PTPRA: variants seen among roughly 807,000 people sequenced by gnomAD.
The protein encoded by PTPRA is protein tyrosine phosphatase receptor type A.
In PTPRA, 25 loss-of-function variants were observed where a neutral mutation model predicts 104.8. The observed-to-expected ratio is 0.24, with a 90% CI of 0.17 to 0.33. PTPRA has a LOEUF of 0.33. Ranked by LOEUF, PTPRA falls within the 10% of genes least tolerant of loss-of-function variation. The pLI is 1.00. For synonymous variants in PTPRA, 323 were observed against 368.9 expected, an observed-to-expected ratio of 0.88 and a Z score of 1.43; for missense variants, 765 against 1,015.3, an observed-to-expected ratio of 0.75 and a Z score of 3.35.
At chr20:2,940,326 T>C (rs965389621) in intron 2 of PTPRA, among the ~76,000 whole-genome samples, 2 of 151,904 alleles carry the variant, frequency 1.3e-5, no homozygotes, top group Admixed American at 6.6e-5. Context: ...TCTTTTCTTT[T>C]TTTTTTTTTT....
At chr20:3,015,790 T>C in intron 11 of PTPRA, 59 bp from the exon 12 acceptor site, 1 of 1,427,256 alleles carries the variant, frequency 7.0e-7, no homozygotes, top group Middle Eastern at 1.8e-4. Flanking sequence ...GACTGGAGAA[T>C]TTCATTTCTA....
intron 11 of PTPRA, among the ~76,000 whole-genome samples, chr20:3,011,787 T>C (rs1295630359): frequency 1.3e-5 from 2 of 152,196 alleles, no homozygotes; most frequent in African/African-American, 2.4e-5. Context: ...ACTGGGTACC[T>C]TAACAAAACC....
chr20:3,007,487 C>G (rs1286202553), intron 11 of PTPRA, 67 bp downstream of exon 11: 2 of 1,484,478 alleles, frequency 1.3e-6, no homozygotes, highest in Non-Finnish European at 1.9e-6. Context: ...TGGCTCCTCC[C>G]CAGCTGTGTG....
the PTPRA span, chr20:2,866,130 T>C: frequency 8.4e-7 from 1 of 1,183,476 alleles, no homozygotes; most frequent in Non-Finnish European, 1.2e-6. Flanking sequence ...GGACGATGTA[T>C]GCATTGCGCC....
intron 2 of PTPRA, among the ~76,000 whole-genome samples, chr20:2,928,111 A>G (rs2060372573): frequency 6.6e-6 from 1 of 152,148 alleles, no homozygotes; most frequent in Non-Finnish European, 1.5e-5. Context: ...TCTTTCTGGT[A>G]TCCGTTTTTT....
chr20:2,973,413 C>T (rs2062276426), intron 5 of PTPRA, among the ~76,000 whole-genome samples: 1 of 152,114 alleles, frequency 6.6e-6, no homozygotes, highest in South Asian at 2.1e-4. Context: ...TTTCTATAGG[C>T]AGTTGTATTA....
At chr20:2,949,116 T>C (rs2061263085) in intron 3 of PTPRA, among the ~76,000 whole-genome samples, 1 of 152,114 alleles carries the variant, frequency 6.6e-6, no homozygotes, top group African/African-American at 2.4e-5. Flanking sequence ...TTATGTACCT[T>C]CCCTTCCTTC....
Position 3,024,626 on chromosome 20 carries a change from G to T in PTPRA, c.1614+5G>T. On this transcript the variant is annotated splice_donor_5th_base_variant and intron_variant, in intron 17 of 23. Transcript: ENST00000399903. ...GGATTAGAGGAGGAGTTTAAGGTGA[G>T]TTGGAGCTGGATAACCTCCTTCAGA... is the stretch of plus-strand genomic sequence containing the variant. 6.2e-7 allele frequency: 1 copy of T among 1,614,118 alleles called. No homozygotes were observed.
intron 2 of PTPRA, among the ~76,000 whole-genome samples, chr20:2,935,489 A>G (rs917633099): frequency 1.3e-5 from 2 of 152,208 alleles, no homozygotes; most frequent in Admixed American, 1.3e-4. Flanking sequence ...CAACATACCC[A>G]TATTAGTTAT....
intron 3 of PTPRA, among the ~76,000 whole-genome samples, chr20:2,961,359 G>A (rs1040813910): frequency 6.6e-6 from 1 of 152,094 alleles, no homozygotes; most frequent in Non-Finnish European, 1.5e-5. Context: ...GTGGTATCCC[G>A]TTTTAATTTG....
chr20:2,958,404 T>A (rs1172912054), intron 3 of PTPRA, among the ~76,000 whole-genome samples: 2 of 151,670 alleles, frequency 1.3e-5, no homozygotes, highest in African/African-American at 2.4e-5. Context: ...GGGATTTTGG[T>A]TGTCATCCAT....
At chr20:2,893,457 C>T (rs2058875360) in intron 1 of PTPRA, among the ~76,000 whole-genome samples, 1 of 152,178 alleles carries the variant, frequency 6.6e-6, no homozygotes, top group East Asian at 1.9e-4. Flanking sequence ...AGATTTCTTA[C>T]ATTTAGATGA....
chr20:2,894,032 G>A (rs542688031), intron 1 of PTPRA, among the ~76,000 whole-genome samples: 1 of 151,874 alleles, frequency 6.6e-6, no homozygotes, highest in Non-Finnish European at 1.5e-5. Flanking sequence ...TTAATATGGT[G>A]GAGATAATGA....
At chr20:2,935,535 GA>G (rs1299762743) in intron 2 of PTPRA, among the ~76,000 whole-genome samples, 1 of 152,136 alleles carries the variant, frequency 6.6e-6, no homozygotes, top group African/African-American at 2.4e-5. Flanking sequence ...GGGAATTACT[GA>G]ATCATATAGT....
chr20:3,028,381 A>G (rs1056459120), intron 20 of PTPRA, among the ~76,000 whole-genome samples: 2 of 152,230 alleles, frequency 1.3e-5, no homozygotes, highest in Non-Finnish European at 2.9e-5. Flanking sequence ...TTTTAAAGAA[A>G]AAAGCCCTCA....
upstream of PTPRA, among the ~76,000 whole-genome samples, chr20:2,868,688 A>G (rs1364802103): frequency 8.7e-6 from 1 of 114,562 alleles, no homozygotes; most frequent in African/African-American, 3.5e-5. Context: ...CTGCCCTGGT[A>G]GCTCTTTGAT....
At position 2,948,267 on chromosome 20, in the gene PTPRA, G is replaced by A. The variant is rs563591587; in HGVS notation, c.-7+243G>A. Among the ~76,000 whole-genome samples the A allele has an allele frequency of 2.6e-5, 4 of 152,256 alleles. No individual in the cohort carries two copies. The South Asian group carries it at 8.3e-4, about 32-fold the overall frequency. On this transcript the variant is annotated intron_variant, in intron 3 of 23. Transcript: ENST00000399903. Reference sequence around the variant, plus strand: ...ACTACAATAGGCTCCAAAAAATTCTGGTGAAATTAGCTTCTTGGAGCCTTC... The same window carrying A: ...ACTACAATAGGCTCCAAAAAATTCTAGTGAAATTAGCTTCTTGGAGCCTTC...
intron 11 of PTPRA, among the ~76,000 whole-genome samples, chr20:3,008,753 A>C (rs1452099179): frequency 4.4e-4 from 59 of 134,586 alleles, no homozygotes; most frequent in African/African-American, 1.5e-3. Flanking sequence ...AACAAAAAAA[A>C]AAAAAACAAC....
intron 9 of PTPRA, among the ~76,000 whole-genome samples, chr20:3,002,795 C>T (rs2063697035): frequency 6.6e-6 from 1 of 152,118 alleles, no homozygotes; most frequent in African/African-American, 2.4e-5. Context: ...TCAATGATTT[C>T]CTTATGCACT....
Sources: allele counts gnomAD v4.1 joint callset (sites outside exome capture counted in the v4.1 genomes callset), GRCh38; gene constraint gnomAD v4.1.1; transcripts MANE v1.5; gene names NCBI Gene and HGNC (gene_info 2026-07-23, HGNC 2026-07-21).